The following CA14 variants were observed in gnomAD, a reference collection of about 807,000 sequenced individuals.
CA14 encodes carbonic anhydrase 14, also known as CA-XIV.
In CA14, 44 loss-of-function variants were observed where a neutral mutation model predicts 48.8. The observed-to-expected ratio is 0.90, with a 90% CI of 0.71 to 1.16. CA14 has a LOEUF of 1.16. Ranked by LOEUF, CA14 falls within the 50% of genes most tolerant of loss-of-function variation. The pLI, the probability that CA14 is intolerant of heterozygous loss-of-function variation, is 0.00. For missense variants in CA14, 386 were observed against 401.0 expected (o/e 0.96, Z 0.32); for synonymous variants, 154 against 155.0 (o/e 0.99, Z 0.05).
At chr1:150,262,007 T>C (rs1651079256) in intron 3 of CA14, 151 bp from the exon 4 acceptor site, 2 of 808,714 alleles carry the variant, frequency 2.5e-6, no homozygotes, top group East Asian at 2.5e-5. Context: ...AAGGAAGATA[T>C]GCTAGAAAAG....
At chr1:150,258,855 T>G (rs1553847248) in intron 1 of CA14, among the ~76,000 whole-genome samples, 1 of 152,186 alleles carries the variant, frequency 6.6e-6, no homozygotes, top group Non-Finnish European at 1.5e-5. Context: ...TTCCTGTGCC[T>G]AGCACAGTGT....
rs782717312 is a variant in CA14 at position 150,258,141 on chromosome 1, G to A, written c.13G>A (p.Ala5Thr). MLFSALLLEVIWILA... is the reference protein window; with the variant it reads MLFSTLLLEVIWILA... Reference sequence around the variant, plus strand: ...TTCCTGGGACACTATGTTGTTCTCCGCCCTCCTGCTGGAGGTGATTTGGAT... The same window carrying A: ...TTCCTGGGACACTATGTTGTTCTCCACCCTCCTGCTGGAGGTGATTTGGAT... The change falls in exon 1 of 11, where the codon GCC becomes ACC. Residue 5 changes from alanine (A) to threonine (T), a missense_variant. Physicochemically the swap from Ala to Thr is moderately conservative, Grantham distance 58 (BLOSUM62 0). Transcript: ENST00000369111. The A allele has an allele frequency of 5.0e-6, 8 of 1,610,308 alleles. No homozygotes were observed. The highest frequency in any genetic ancestry group is 5.9e-6 in the Non-Finnish European group (7 of 1,177,708).
rs372825966 is a variant in CA14, at chr1:150,263,140, T to G, written c.661T>G (p.Cys221Gly). ...RYNGSLTTPP[C>G]YQSVLWTVFY... ...CAATGGCTCGCTCACAACTCCCCCT[T>G]GCTACCAGAGTGTGCTCTGGACAGT... The change falls in exon 7 of 11, where the codon TGC (cysteine) becomes GGC (glycine). Residue 221 changes from cysteine (C) to glycine (G), a missense_variant. Coordinates refer to ENST00000369111, the MANE Select transcript of CA14 (RefSeq NM_012113.3). 34 of 1,614,114 alleles carry G rather than the reference T, an allele frequency of 2.1e-5. No homozygotes were observed. In the African/African-American group the frequency reaches 4.5e-4, roughly 22 times the overall value.
At position 150,261,663 on chromosome 1, in the gene CA14, T is replaced by C. The variant is rs782719997; in HGVS notation, c.256+25T>C. The C allele has an allele frequency of 2.5e-6, 4 of 1,607,332 alleles. No homozygotes were observed. In the Admixed American group the frequency reaches 5.0e-5, roughly 20 times the overall value. Reference sequence around the variant, plus strand: ...GGTAAAAGCACAGGCTCCAAGGAGTTGTAGGCTCCAGCTCAGATCTTAGGA... The same window carrying C: ...GGTAAAAGCACAGGCTCCAAGGAGTCGTAGGCTCCAGCTCAGATCTTAGGA... On this transcript the variant is annotated intron_variant, in intron 3 of 10. Transcript: ENST00000369111.
At chr1:150,260,497 T>C (rs1553847567) in intron 2 of CA14, 5 of 444,280 alleles carry the variant, frequency 1.1e-5, no homozygotes, top group Non-Finnish European at 2.1e-5. Context: ...TCTATCCTAA[T>C]CCATCCTACC....
At chr1:150,259,307 C>G (rs1426507421) in intron 1 of CA14, among the ~76,000 whole-genome samples, 1 of 152,156 alleles carries the variant, frequency 6.6e-6, no homozygotes, top group South Asian at 2.1e-4. Context: ...TGAAGGCCTT[C>G]GTTTTCTTCT....
At position 150,258,079 on chromosome 1, in the gene CA14, GTC is replaced by G; in HGVS notation, c.-49_-48del. 20 of 1,451,662 alleles carry G rather than the reference GTC, an allele frequency of 1.4e-5. No individual in the cohort carries two copies. The highest frequency in any genetic ancestry group is 1.8e-5 in the Non-Finnish European group (19 of 1,047,166). The allele number at this position is 1,451,662 out of a possible 1,614,324, so 89.9% of individuals were successfully genotyped here. A position where few individuals can be genotyped will look rare whatever the true frequency, so the allele number is the denominator to read the frequency against. ...CCTCCCTCTCTCTCTGCCTGTCCTAGTCCTCTAGTCCTCAAATTCCCAGTCCC... is the reference window on the plus strand; with the variant it reads ...CCTCCCTCTCTCTCTGCCTGTCCTAGCTCTAGTCCTCAAATTCCCAGTCCC... On this transcript the variant is annotated 5_prime_UTR_variant, in exon 1 of 11. Coordinates refer to ENST00000369111, the MANE Select transcript of CA14 (RefSeq NM_012113.3).
rs1016748754 is a variant in CA14 at position 150,258,012 on chromosome 1, G to T, written c.-117G>T. 3.1e-6 allele frequency: 2 copies of T among 640,270 alleles called. No individual in the cohort carries two copies. The highest frequency in any genetic ancestry group is 1.9e-5 in the African/African-American group (1 of 53,168). The allele number at this position is 640,270 out of a possible 1,614,324, so 39.7% of individuals were successfully genotyped here. A position where few individuals can be genotyped will look rare whatever the true frequency, so the allele number is the denominator to read the frequency against. The stretch of plus-strand genomic sequence containing the variant: ...GAGAAGCAGAGATAAATACACTCAC[G>T]CCAGGAGCTCGCTCGCTCTCTCTCT... On this transcript the variant is annotated 5_prime_UTR_variant, in exon 1 of 11. Transcript: ENST00000369111.
Position 150,258,066 on chromosome 1 carries a change from T to C in CA14, c.-63T>C. ...TCTCTCACTCCTCCCTCCCTCTCTC[T>C]CTGCCTGTCCTAGTCCTCTAGTCCT... On this transcript the variant is annotated 5_prime_UTR_variant, in exon 1 of 11. Coordinates refer to ENST00000369111, the MANE Select transcript of CA14 (RefSeq NM_012113.3). The C allele has an allele frequency of 7.6e-7, 1 of 1,321,284 alleles. No homozygotes were observed. The highest frequency in any genetic ancestry group is 1.1e-6 in the Non-Finnish European group (1 of 941,038). The allele number at this position is 1,321,284 out of a possible 1,614,324, so 81.8% of individuals were successfully genotyped here.
Position 150,262,168 on chromosome 1 carries a change from T to C in CA14, c.267T>C (p.Ser89=). The change falls in exon 4 of 11, where the codon TCT becomes TCC. Residue 89 remains serine, a synonymous_variant. Transcript: ENST00000369111. ...LHNNGHTVQL[S]LPSTLYLGGL... is the part of the protein sequence containing the mutation. ...CTCTTTTCCTCACAGTGCAACTCTC[T>C]CTGCCCTCTACCCTGTATCTGGGTG... 1 of 1,614,172 alleles carries C rather than the reference T, an allele frequency of 6.2e-7. No individual in the cohort carries two copies. The highest frequency in any genetic ancestry group is 8.5e-7 in the Non-Finnish European group (1 of 1,180,032).
chr1:150,258,320 T>C (rs1572058446), intron 1 of CA14, 137 bp downstream of exon 1: 1 of 601,958 alleles, frequency 1.7e-6, no homozygotes, highest in Admixed American at 3.0e-5. Context: ...GAAAAAAGAG[T>C]GGGGTGTGGA....
intron 3 of CA14, 56 bp downstream of exon 3, chr1:150,261,694 A>C: frequency 2.0e-6 from 3 of 1,521,912 alleles, no homozygotes; most frequent in Non-Finnish European, 2.7e-6. Context: ...TAGGAGTCAG[A>C]TCCTTTTGTA....
At position 150,263,890 on chromosome 1, in the gene CA14, C is replaced by T. The variant is rs376628063; in HGVS notation, c.947+12C>T. On this transcript the variant is annotated intron_variant, in intron 10 of 10. Coordinates refer to ENST00000369111, the MANE Select transcript of CA14 (RefSeq NM_012113.3). ...GCTAGAAAGATTCGGTGAGGCCCTACTTTCCATTCCTCCAGTCCCTTCTTC... is the reference window on the plus strand; with the variant it reads ...GCTAGAAAGATTCGGTGAGGCCCTATTTTCCATTCCTCCAGTCCCTTCTTC... 2.7e-6 allele frequency: 4 copies of T among 1,487,646 alleles called. 1 individual carries two copies. The highest frequency in any genetic ancestry group is 9.3e-7 in the Non-Finnish European group (1 of 1,071,896). 92.2% of individuals were successfully genotyped at this position (1,487,646 alleles called of 1,614,324 possible).
chr1:150,262,444 G>C (rs930747549), intron 4 of CA14, 81 bp from the exon 5 acceptor site: 3 of 1,469,148 alleles, frequency 2.0e-6, no homozygotes, highest in East Asian at 2.3e-5. Context: ...CGGGGACAGC[G>C]GGGGGATGGT....
At chr1:150,263,223 AG>A in intron 7 of CA14, 24 bp downstream of exon 7, 1 of 1,613,986 alleles carries the variant, frequency 6.2e-7, no homozygotes, top group Non-Finnish European at 8.5e-7. Flanking sequence ...AAACGAGGTG[AG>A]GTGAGACACA....
rs1553848457 is a variant in CA14 at position 150,263,396 on chromosome 1, T to C, written c.818T>C (p.Met273Thr). ...GCCCTTCAGCCTCTCAATCAGCGCA[T>C]GGTCTTTGCTTCTTTCATCCAAGGT... ...YRALQPLNQR[M>T]VFASFIQAGS... Residue 273 changes from methionine (M) to threonine (T), a missense_variant, in exon 8 of 11, where the codon ATG (methionine) becomes ACG (threonine). By Grantham distance (81) the Met-to-Thr change is moderately conservative. Coordinates refer to ENST00000369111, the MANE Select transcript of CA14 (RefSeq NM_012113.3). 1.2e-6 allele frequency: 2 copies of C among 1,614,070 alleles called. No homozygotes were observed. Among genetic ancestry groups the C allele is most frequent in the African/African-American group, 1.3e-5 (1 of 74,934 alleles).
chr1:150,261,741 C>T lies in CA14; in HGVS notation c.256+103C>T, dbSNP rs1399457956. 3.0e-5 allele frequency: 32 copies of T among 1,057,582 alleles called. No individual in the cohort carries two copies. In the East Asian group the frequency reaches 6.6e-4, roughly 22 times the overall value. 65.5% of individuals were successfully genotyped at this position (1,057,582 alleles called of 1,614,324 possible). A position where few individuals can be genotyped will look rare whatever the true frequency, so the allele number is the denominator to read the frequency against. ...TGATGATGGGGTGTTCCTGAGCATGCGTAAGATGTGCCGCCCTCAAATCTT... is the reference window on the plus strand; with the variant it reads ...TGATGATGGGGTGTTCCTGAGCATGTGTAAGATGTGCCGCCCTCAAATCTT... On this transcript the variant is annotated intron_variant, in intron 3 of 10. Coordinates refer to ENST00000369111, the MANE Select transcript of CA14 (RefSeq NM_012113.3).
intron 6 of CA14, 21 bp downstream of exon 6, chr1:150,262,891 G>C (rs782521828): frequency 1.9e-6 from 3 of 1,599,640 alleles, no homozygotes; most frequent in Non-Finnish European, 2.6e-6. Context: ...AAAATCTATA[G>C]CAGGAAGTAA....
intron 1 of CA14, among the ~76,000 whole-genome samples, chr1:150,259,185 G>T (rs782787526): frequency 4.6e-5 from 7 of 152,188 alleles, no homozygotes; most frequent in Non-Finnish European, 8.8e-5. Context: ...AAGGATAAGA[G>T]CAGGACATCT....
Sources: allele counts gnomAD v4.1 joint callset (sites outside exome capture counted in the v4.1 genomes callset), GRCh38; gene constraint gnomAD v4.1.1; transcripts MANE v1.5; gene names NCBI Gene and HGNC (gene_info 2026-07-23, HGNC 2026-07-21).